PTPRM: variants seen among roughly 807,000 people sequenced by gnomAD.
PTPRM encodes the protein protein tyrosine phosphatase receptor type M.
A neutral mutation model predicts 186.7 loss-of-function variants in PTPRM; 47 were observed. That is an observed-to-expected ratio of 0.25 (90% CI 0.20 to 0.32). The LOEUF is 0.32. PTPRM is among the 10% of genes least tolerant of loss of function. The pLI, the probability that PTPRM is intolerant of heterozygous loss-of-function variation, is 1.00. For synonymous variants in PTPRM, 668 were observed against 674.9 expected (o/e 0.99, Z 0.16); for missense variants, 1,494 against 1,865.0 (o/e 0.80, Z 3.66).
chr18:8,323,416 C>T (rs1357432800), intron 22 of PTPRM, among the ~76,000 whole-genome samples: 2 of 152,168 alleles, frequency 1.3e-5, no homozygotes, highest in Non-Finnish European at 2.9e-5. Context: ...AGTTATGATG[C>T]TTCTCATGAC....
intron 7 of PTPRM, among the ~76,000 whole-genome samples, chr18:7,966,443 G>A (rs889598970): frequency 6.6e-6 from 1 of 152,132 alleles, no homozygotes; most frequent in Admixed American, 6.5e-5. Context: ...ACCCTTTCTA[G>A]AAGGAGGAGC....
intron 22 of PTPRM, among the ~76,000 whole-genome samples, chr18:8,326,303 A>C (rs1261886449): frequency 6.6e-6 from 1 of 152,220 alleles, no homozygotes; most frequent in Non-Finnish European, 1.5e-5. Context: ...AACAGTGAAA[A>C]AATATTCCAT....
intron 1 of PTPRM, among the ~76,000 whole-genome samples, chr18:7,570,012 G>T (rs986130701): frequency 7.2e-5 from 11 of 152,164 alleles, no homozygotes; most frequent in African/African-American, 2.7e-4. Context: ...TGTAGTCCCA[G>T]CTGCTCTAGA....
At chr18:7,643,026 G>A (rs1262375329) in intron 1 of PTPRM, among the ~76,000 whole-genome samples, 1 of 151,760 alleles carries the variant, frequency 6.6e-6, no homozygotes, top group East Asian at 1.9e-4. Context: ...AATATATTTA[G>A]TATAATATTT....
At chr18:8,343,177 G>A (rs1204241125) in intron 22 of PTPRM, among the ~76,000 whole-genome samples, 1 of 152,166 alleles carries the variant, frequency 6.6e-6, no homozygotes, top group Non-Finnish European at 1.5e-5. Context: ...TTTAAGAAGG[G>A]TAAAAAGAGC....
intron 22 of PTPRM, among the ~76,000 whole-genome samples, chr18:8,340,938 A>G (rs2095470890): frequency 6.6e-6 from 1 of 152,180 alleles, no homozygotes; most frequent in Admixed American, 6.5e-5. Flanking sequence ...CGTAGAGAAC[A>G]GTCACTGGGA....
intron 2 of PTPRM, among the ~76,000 whole-genome samples, chr18:7,808,916 C>T (rs375250927): frequency 1.3e-3 from 198 of 152,284 alleles, no homozygotes; most frequent in African/African-American, 4.7e-3. Context: ...GTAGCACATT[C>T]CTCATTGGAA....
chr18:7,841,351 G>A (rs1369240145), intron 2 of PTPRM, among the ~76,000 whole-genome samples: 3 of 143,018 alleles, frequency 2.1e-5, no homozygotes, highest in Non-Finnish European at 4.5e-5. Flanking sequence ...GAGTGCAGTG[G>A]CCTGATCTCA....
At chr18:7,761,505 G>T (rs552285522) in intron 1 of PTPRM, among the ~76,000 whole-genome samples, 4 of 152,124 alleles carry the variant, frequency 2.6e-5, no homozygotes, top group South Asian at 2.1e-4. Context: ...GCCTTATTAC[G>T]CACATTCTTA....
At chr18:8,159,734 A>G (rs900627925) in intron 14 of PTPRM, among the ~76,000 whole-genome samples, 1 of 152,142 alleles carries the variant, frequency 6.6e-6, no homozygotes, top group Non-Finnish European at 1.5e-5. Context: ...CATCTTCAAC[A>G]TCCTATTCTT....
At chr18:7,906,704 G>T in intron 4 of PTPRM, 121 bp downstream of exon 4, 2 of 777,622 alleles carry the variant, frequency 2.6e-6, no homozygotes, top group Non-Finnish European at 4.4e-6. Context: ...TCCCTGACAG[G>T]CCTGTATTGT....
At chr18:7,739,337 C>G (rs559641979) in intron 1 of PTPRM, among the ~76,000 whole-genome samples, 1 of 152,126 alleles carries the variant, frequency 6.6e-6, no homozygotes, top group Non-Finnish European at 1.5e-5. Flanking sequence ...TGATGGCCAG[C>G]CACTATGCTG....
intron 4 of PTPRM, among the ~76,000 whole-genome samples, chr18:7,918,819 GT>G (rs2146702173): frequency 6.6e-6 from 1 of 152,174 alleles, no homozygotes; most frequent in South Asian, 2.1e-4. Flanking sequence ...CCATTTGTCT[GT>G]TTTTGTTTTG....
At chr18:7,841,844 A>G (rs1015000204) in intron 2 of PTPRM, among the ~76,000 whole-genome samples, 2 of 152,194 alleles carry the variant, frequency 1.3e-5, no homozygotes, top group African/African-American at 2.4e-5. Flanking sequence ...TTGGCTTGGA[A>G]GTGGGGTGTG....
intron 8 of PTPRM, among the ~76,000 whole-genome samples, chr18:8,074,443 T>A (rs558274821): frequency 2.0e-5 from 3 of 152,210 alleles, no homozygotes; most frequent in African/African-American, 7.2e-5. Flanking sequence ...TGGGTTATGT[T>A]GTAAATCTAC....
intron 19 of PTPRM, among the ~76,000 whole-genome samples, chr18:8,262,966 G>A (rs562259586): frequency 7.4e-4 from 112 of 152,156 alleles, no homozygotes; most frequent in Non-Finnish European, 1.4e-3. Context: ...ATATAGGATC[G>A]GGTGGGCTAG....
At position 8,114,809 on chromosome 18, in the gene PTPRM, G is replaced by C. The variant is rs751801851; in HGVS notation, c.2149G>C (p.Val717Leu). 6.2e-7 allele frequency: 1 copy of C among 1,610,984 alleles called. No individual in the cohort carries two copies. The highest frequency in any genetic ancestry group is 8.5e-7 in the Non-Finnish European group (1 of 1,178,502). ...RANGETKIDC[V>L]QVATKGAATP... The stretch of plus-strand genomic sequence containing the variant: ...GACACAGGAAACCAAAATAGACTGT[G>C]TCCAAGTGGCCACAAAAGGTAGGTT... The change falls in exon 13 of 33, where the codon GTC becomes CTC. Residue 717 changes from valine (V) to leucine (L), a missense_variant. Physicochemically the swap from Val to Leu is conservative, Grantham distance 32. Around this residue, in one of 3 missense-constraint regions of PTPRM, gnomAD observed 1,107 missense variants for 1,350.2 expected, o/e 0.82. Coordinates refer to ENST00000580170, the MANE Select transcript of PTPRM (RefSeq NM_001105244.2).
intron 1 of PTPRM, among the ~76,000 whole-genome samples, chr18:7,656,400 C>G: frequency 6.6e-6 from 1 of 152,068 alleles, no homozygotes; most frequent in East Asian, 1.9e-4. Flanking sequence ...AATTGTGGTT[C>G]CCCGGGGTGA....
intron 14 of PTPRM, among the ~76,000 whole-genome samples, chr18:8,149,504 G>A (rs1385480364): frequency 6.6e-6 from 1 of 152,012 alleles, no homozygotes; most frequent in Admixed American, 6.6e-5. Flanking sequence ...CATTTGCTTG[G>A]TAAATATTCT....
Sources: gnomAD v4.1 joint callset for allele counts (sites outside exome capture counted in the v4.1 genomes callset) on GRCh38, gnomAD v4.1.1 for gene constraint, gnomAD v4.1.1 regional missense constraint, MANE v1.5 for transcripts, NCBI Gene and HGNC (gene_info 2026-07-23, HGNC 2026-07-21) for gene names.